The following TP53BP2 variants were observed in gnomAD, a reference collection of about 807,000 sequenced individuals.
TP53BP2 encodes apoptosis-stimulating of p53 protein 2.
A neutral mutation model predicts 126.2 loss-of-function variants in TP53BP2; 62 were observed. That is an observed-to-expected ratio of 0.49 (90% confidence interval 0.40 to 0.61). The LOEUF (loss-of-function observed/expected upper bound fraction) is 0.61, where lower values mean the gene tolerates loss of function less well. TP53BP2 is among the 20% of genes least tolerant of loss of function. The probability of loss-of-function intolerance (pLI) is 0.00; values close to 1 mark genes in which losing one functional copy is unlikely to be tolerated. For missense variants in TP53BP2, 1,215 were observed against 1,402.8 expected (o/e 0.87, Z 2.14); for synonymous variants, 485 against 502.9 (o/e 0.96, Z 0.48).
At chr1:223,792,572 C>A (rs765893978) in intron 14 of TP53BP2, 50 bp from the exon 15 acceptor site, 102 of 1,599,984 alleles carry the variant, frequency 6.4e-5, no homozygotes, top group Non-Finnish European at 8.6e-5. Context: ...GTCACCTGAA[C>A]TGTCACTACT....
intron 3 of TP53BP2, among the ~76,000 whole-genome samples, chr1:223,813,530 C>T (rs1662984834): frequency 6.6e-6 from 1 of 152,116 alleles, no homozygotes; most frequent in Admixed American, 6.6e-5. Context: ...AAGGTATCAC[C>T]TTGCCAATAC....
chr1:223,792,915 G>A (rs906905779), intron 14 of TP53BP2, among the ~76,000 whole-genome samples: 2 of 149,882 alleles, frequency 1.3e-5, no homozygotes, highest in Admixed American at 1.3e-4. Context: ...GCTTCTAAAA[G>A]TAGAGACCGC....
intron 1 of TP53BP2, among the ~76,000 whole-genome samples, chr1:223,822,578 A>G (rs1663349675): frequency 6.6e-6 from 1 of 151,982 alleles, no homozygotes; most frequent in Non-Finnish European, 1.5e-5. Context: ...CTGAGTGGGG[A>G]AGACTGCTTG....
At chr1:223,807,516 C>T (rs1662765725) in intron 4 of TP53BP2, among the ~76,000 whole-genome samples, 1 of 151,708 alleles carries the variant, frequency 6.6e-6, no homozygotes, top group Admixed American at 6.6e-5. Context: ...AGAAGTTCAA[C>T]TGCCTTCACA....
intron 15 of TP53BP2, among the ~76,000 whole-genome samples, chr1:223,792,050 C>G (rs1443786812): frequency 6.6e-6 from 1 of 152,120 alleles, no homozygotes; most frequent in Non-Finnish European, 1.5e-5. Flanking sequence ...AAGACTGAAC[C>G]ATTTCAGGGG....
chr1:223,811,929 T>G (rs1018579164), intron 3 of TP53BP2, among the ~76,000 whole-genome samples: 3 of 152,148 alleles, frequency 2.0e-5, no homozygotes, highest in Non-Finnish European at 4.4e-5. Flanking sequence ...GAGAGACTAT[T>G]TAATAATTTA....
chr1:223,811,233 T>C (rs1662898171), intron 3 of TP53BP2, among the ~76,000 whole-genome samples: 1 of 152,100 alleles, frequency 6.6e-6, no homozygotes, highest in Non-Finnish European at 1.5e-5. Flanking sequence ...TAATACATTA[T>C]AAGAAGCAAA....
Position 223,802,124 on chromosome 1 carries a change from T to G in TP53BP2, c.1217A>C (p.Gln406Pro). Residue 406 changes from glutamine to proline, a missense_variant, in exon 9 of 18, where the codon CAA becomes CCA. Physicochemically the swap from Gln to Pro is moderately conservative, Grantham distance 76 (BLOSUM62 -1). Coordinates refer to ENST00000343537, the MANE Select transcript of TP53BP2 (RefSeq NM_001031685.3). ...TGTGCAGGACTTTTTACCTTTAGTT[T>G]GTGAAGCAGCCCCAGATCTCATGTT... ...LPNMRSGAASQTKGSKIHPVG... is the reference protein window; with the variant it reads ...LPNMRSGAASPTKGSKIHPVG... The G allele has an allele frequency of 6.2e-7, 1 of 1,614,142 alleles. No individual in the cohort carries two copies. The highest frequency in any genetic ancestry group is 8.5e-7 in the Non-Finnish European group (1 of 1,180,010).
Position 223,795,883 on chromosome 1 carries a change from C to A in TP53BP2, c.2656G>T (p.Glu886Ter), listed in dbSNP as rs1662302861. 6.2e-7 allele frequency: 1 copy of A among 1,604,348 alleles called. No individual in the cohort carries two copies. Among genetic ancestry groups the A allele is most frequent in the African/African-American group, 1.3e-5 (1 of 74,342 alleles). Residue 886 changes from glutamate (E) to a stop codon, truncating the protein, a stop_gained, in exon 13 of 18, where the codon GAA becomes TAA. Coordinates refer to ENST00000343537, the MANE Select transcript of TP53BP2 (RefSeq NM_001031685.3). LOFTEE classifies it high-confidence loss of function. The stretch of plus-strand genomic sequence containing the variant: ...CTCACCGAGTCTTCTCCGGGCCCTT[C>A]AGGCTCCCCAGATGGGTATGGTGGG... ...PPPPYPSGEP[E>*]GPGEDSVSMR...
intron 12 of TP53BP2, among the ~76,000 whole-genome samples, chr1:223,797,802 CTATA>C (rs2102846929): frequency 6.6e-6 from 1 of 150,996 alleles, no homozygotes; most frequent in African/African-American, 2.4e-5. Context: ...GTATATATAT[CTATA>C]TATACATGTC....
chr1:223,787,515 C>T (rs1662011606), intron 16 of TP53BP2, among the ~76,000 whole-genome samples: 1 of 151,680 alleles, frequency 6.6e-6, no homozygotes, highest in Admixed American at 6.6e-5. Context: ...GAGGCTGAGA[C>T]AAGAGGATTC....
rs1449795399 is a variant in TP53BP2, at chr1:223,789,220, T to C, written c.2997-46A>G. The C allele has an allele frequency of 5.0e-6, 8 of 1,593,684 alleles. No homozygotes were observed. The South Asian group carries it at 7.8e-5, about 16-fold the overall frequency. On this transcript the variant is annotated intron_variant, in intron 15 of 17. Coordinates refer to ENST00000343537, the MANE Select transcript of TP53BP2 (RefSeq NM_001031685.3). ...GCTAGAACTGTTTTCCTAAACTGAATGACACCTGCTGATAAGATATCTGGA... is the reference window on the plus strand; with the variant it reads ...GCTAGAACTGTTTTCCTAAACTGAACGACACCTGCTGATAAGATATCTGGA...
chr1:223,785,353 A>G (rs545630117), intron 16 of TP53BP2, among the ~76,000 whole-genome samples: 2 of 152,310 alleles, frequency 1.3e-5, no homozygotes, highest in African/African-American at 4.8e-5. Context: ...CTTTTCTAGA[A>G]GAAGGCTCTG....
Position 223,790,264 on chromosome 1 carries a change from A to AT in TP53BP2, c.2997-1091dup, listed in dbSNP as rs1334048718. 4.5e-4 allele frequency among the ~76,000 whole-genome samples: 67 copies of AT among 148,808 alleles called. No individual in the cohort carries two copies. In the South Asian group the frequency reaches 6.2e-3, roughly 14 times the overall value. On this transcript the variant is annotated intron_variant, in intron 15 of 17. Transcript: ENST00000343537. Reference sequence around the variant, plus strand: ...AAGACTCTGTCTCAAAAAAATTTTTATTTTTTTTTTGGCCAGGCGCAGTGA... The same window carrying AT: ...AAGACTCTGTCTCAAAAAAATTTTTATTTTTTTTTTTGGCCAGGCGCAGTGA...
chr1:223,834,818 A>C (rs1450286837), intron 1 of TP53BP2: 1 of 984,974 alleles, frequency 1.0e-6, no homozygotes, highest in Admixed American at 6.2e-5. Flanking sequence ...ATCCATCCCT[A>C]CCCACACACT....
At chr1:223,839,878 T>C (rs1664051912) in intron 1 of TP53BP2, among the ~76,000 whole-genome samples, 1 of 152,114 alleles carries the variant, frequency 6.6e-6, no homozygotes, top group Admixed American at 6.5e-5. Context: ...GAGGTTGCAG[T>C]GAGCTGAGAT....
At chr1:223,812,527 CG>C (rs1435711679) in intron 3 of TP53BP2, among the ~76,000 whole-genome samples, 1 of 151,952 alleles carries the variant, frequency 6.6e-6, no homozygotes, top group Non-Finnish European at 1.5e-5. Context: ...GGATTACAGA[CG>C]CCCAGCTAAT....
At chr1:223,788,119 G>C (rs1662032679) in intron 16 of TP53BP2, among the ~76,000 whole-genome samples, 1 of 152,054 alleles carries the variant, frequency 6.6e-6, no homozygotes, top group African/African-American at 2.4e-5. Flanking sequence ...TACCAGCTGA[G>C]AGAGATGAAG....
At chr1:223,843,479 T>A (rs755433190) in intron 1 of TP53BP2, among the ~76,000 whole-genome samples, 1 of 152,218 alleles carries the variant, frequency 6.6e-6, no homozygotes, top group Non-Finnish European at 1.5e-5. Flanking sequence ...TATTTGCACA[T>A]TTTTAATATA....
Sources: allele counts gnomAD v4.1 joint callset (sites outside exome capture counted in the v4.1 genomes callset), GRCh38; gene constraint gnomAD v4.1.1; transcripts MANE v1.5; gene names NCBI Gene and HGNC (gene_info 2026-07-23, HGNC 2026-07-21).